The following SPECC1L variants were observed in gnomAD, a reference collection of about 807,000 sequenced individuals.
The protein encoded by SPECC1L is cytospin-A.
Under a neutral mutation model 116.8 loss-of-function variants are expected in SPECC1L, and 40 were observed. The ratio of observed to expected loss-of-function variants is 0.34; its 90% CI spans 0.27 to 0.45. The LOEUF (loss-of-function observed/expected upper bound fraction) is 0.45, where lower values mean the gene tolerates loss of function less well. Ranked by LOEUF, SPECC1L falls within the 20% of genes least tolerant of loss-of-function variation. The pLI, the probability that SPECC1L is intolerant of heterozygous loss-of-function variation, is 1.00. For synonymous variants in SPECC1L, 504 were observed against 500.6 expected (o/e 1.01, Z -0.09); for missense variants, 1,110 against 1,373.6 (o/e 0.81, Z 3.03).
chr22:24,310,188 T>G (rs1474568777), intron 3 of SPECC1L, among the ~76,000 whole-genome samples: 1 of 152,272 alleles, frequency 6.6e-6, no homozygotes, highest in East Asian at 1.9e-4. Flanking sequence ...TAGCAGTCTT[T>G]CTTATTTTTT....
chr22:24,385,245 A>T (rs1334451947), intron 14 of SPECC1L, among the ~76,000 whole-genome samples: 1 of 152,122 alleles, frequency 6.6e-6, no homozygotes, highest in Non-Finnish European at 1.5e-5. Context: ...AATGGAAAAT[A>T]AGGGGCTAAT....
intron 11 of SPECC1L, among the ~76,000 whole-genome samples, chr22:24,349,485 T>A (rs1008115715): frequency 1.3e-5 from 2 of 152,240 alleles, no homozygotes; most frequent in African/African-American, 4.8e-5. Context: ...GACTGTCAGA[T>A]TTGCATCTCT....
intron 14 of SPECC1L, among the ~76,000 whole-genome samples, chr22:24,380,268 G>A (rs1646897144): frequency 1.3e-5 from 2 of 152,198 alleles, no homozygotes; most frequent in Non-Finnish European, 2.9e-5. Context: ...TGCCTGTCTA[G>A]CTATAAATGG....
intron 3 of SPECC1L, among the ~76,000 whole-genome samples, chr22:24,305,640 A>G (rs1349204007): frequency 6.6e-6 from 1 of 152,048 alleles, no homozygotes; most frequent in Non-Finnish European, 1.5e-5. Flanking sequence ...GAACATTCTT[A>G]TATGTGTGTA....
chr22:24,358,793 A>G (rs1007118263), intron 11 of SPECC1L, among the ~76,000 whole-genome samples: 2 of 152,150 alleles, frequency 1.3e-5, no homozygotes, highest in South Asian at 2.1e-4. Context: ...TTTAAAATCT[A>G]TTTACCTATA....
In SPECC1L at chr22:24,334,416, G is replaced by A; in HGVS notation, c.2403G>A (p.Glu801=). The change falls in exon 9 of 17, where the codon GAG becomes GAA. Residue 801 remains glutamate, a synonymous_variant. Coordinates refer to ENST00000314328, the MANE Select transcript of SPECC1L (RefSeq NM_015330.6). ...ELEEIKSRKQ[E]EERGRVYNYM... is the part of the protein sequence containing the mutation. The stretch of plus-strand genomic sequence containing the variant: ...ATTTCAATATTATTTTCAGGCAAGA[G>A]GAGGAGCGAGGCCGGGTATACAATT... The A allele has an allele frequency of 6.2e-7, 1 of 1,614,116 alleles. No individual in the cohort carries two copies. The highest frequency in any genetic ancestry group is 8.5e-7 in the Non-Finnish European group (1 of 1,180,016).
chr22:24,302,850 A>T (rs1346508475), intron 3 of SPECC1L, among the ~76,000 whole-genome samples: 1 of 151,994 alleles, frequency 6.6e-6, no homozygotes, highest in African/African-American at 2.4e-5. Flanking sequence ...CAGTCCTGTG[A>T]CCCCTAGACA....
rs2041746656 is a variant in SPECC1L at position 24,365,610 on chromosome 22, C to G, written c.2962C>G (p.Pro988Ala). ...CTCTTCTCCAACGGCATCTGTGACT[C>G]CCACCACCCGAAGCCGAATAAGGTA... is the stretch of plus-strand genomic sequence containing the variant. ...LSSSPTASVT[P>A]TTRSRIREER... Residue 988 changes from proline (P) to alanine (A), a missense_variant, in exon 13 of 17, where the codon CCC becomes GCC. Physicochemically the swap from Pro to Ala is conservative, Grantham distance 27. Around this residue, in one of 4 missense-constraint regions of SPECC1L, gnomAD observed 575 missense variants for 682.4 expected, o/e 0.84. Transcript: ENST00000314328. 1 of 1,614,156 alleles carries G rather than the reference C, an allele frequency of 6.2e-7. No homozygotes were observed. Among genetic ancestry groups the G allele is most frequent in the South Asian group, 1.1e-5 (1 of 91,082 alleles).
At chr22:24,303,802 T>C (rs2049431740) in intron 3 of SPECC1L, among the ~76,000 whole-genome samples, 1 of 151,940 alleles carries the variant, frequency 6.6e-6, no homozygotes, top group South Asian at 2.1e-4. Flanking sequence ...ACATGCCAGC[T>C]GTCCATAGCT....
chr22:24,295,111 C>T (rs2049233691), intron 2 of SPECC1L, among the ~76,000 whole-genome samples: 1 of 150,902 alleles, frequency 6.6e-6, no homozygotes, highest in East Asian at 2.0e-4. Flanking sequence ...TTGGGCAGGG[C>T]TCCCAGAGCT....
intron 2 of SPECC1L, among the ~76,000 whole-genome samples, chr22:24,285,055 T>A (rs750175098): frequency 7.9e-5 from 12 of 152,124 alleles, no homozygotes; most frequent in Non-Finnish European, 1.5e-4. Context: ...ATCAAAGCTG[T>A]GGTGGTTAGG....
intron 2 of SPECC1L, among the ~76,000 whole-genome samples, chr22:24,301,081 C>G (rs1381526217): frequency 6.6e-6 from 1 of 152,122 alleles, no homozygotes; most frequent in Non-Finnish European, 1.5e-5. Flanking sequence ...ACAGAAACAC[C>G]AAAAGCAATT....
At position 24,321,459 on chromosome 22, in the gene SPECC1L, C is replaced by G. The variant is rs1456791108; in HGVS notation, c.479C>G (p.Thr160Arg). 1 of 1,614,252 alleles carries G rather than the reference C, an allele frequency of 6.2e-7. No individual in the cohort carries two copies. The highest frequency in any genetic ancestry group is 2.2e-5 in the East Asian group (1 of 44,892). The change falls in exon 5 of 17, where the codon ACA becomes AGA. Residue 160 changes from threonine (T) to arginine (R), a missense_variant. Physicochemically the swap from Thr to Arg is moderately conservative, Grantham distance 71. Transcript: ENST00000314328. Reference sequence around the variant, plus strand: ...AAACGTTCCCGCAGTCGAACTGCTACAGAATGTGACGTTCGTATGAGCAAG... The same window carrying G: ...AAACGTTCCCGCAGTCGAACTGCTAGAGAATGTGACGTTCGTATGAGCAAG... ...LAKRSRSRTA[T>R]ECDVRMSKSK...
At chr22:24,377,764 A>G (rs973373608) in intron 14 of SPECC1L, among the ~76,000 whole-genome samples, 20 of 152,338 alleles carry the variant, frequency 1.3e-4, no homozygotes, top group African/African-American at 4.8e-4. Context: ...ATGAGCAGTA[A>G]TATTTTGAAA....
intron 2 of SPECC1L, among the ~76,000 whole-genome samples, chr22:24,283,539 G>T (rs1490653767): frequency 6.6e-6 from 1 of 152,142 alleles, no homozygotes; most frequent in Non-Finnish European, 1.5e-5. Flanking sequence ...GGGTCTGTAG[G>T]TTTCTTTTTT....
At chr22:24,324,779 A>G (rs1391410473) in intron 6 of SPECC1L, among the ~76,000 whole-genome samples, 1 of 152,194 alleles carries the variant, frequency 6.6e-6, no homozygotes, top group Non-Finnish European at 1.5e-5. Context: ...TGAACCCAGG[A>G]GACGGAGGCT....
chr22:24,332,728 A>G (rs1000596801), intron 8 of SPECC1L, among the ~76,000 whole-genome samples: 60 of 152,116 alleles, frequency 3.9e-4, no homozygotes, highest in African/African-American at 1.4e-3. Flanking sequence ...GGTTTTGGAA[A>G]ACTTAGTTAT....
rs533906957 is a variant in SPECC1L at position 24,361,431 on chromosome 22, A to G, written c.2744-1830A>G. On this transcript the variant is annotated intron_variant, in intron 11 of 16. Coordinates refer to ENST00000314328, the MANE Select transcript of SPECC1L (RefSeq NM_015330.6). Reference sequence around the variant, plus strand: ...TAAAAAATAAAAAGAGGCTGGGTGAAATGGCTCACTCCTGTAATCCCAGCA... The same window carrying G: ...TAAAAAATAAAAAGAGGCTGGGTGAGATGGCTCACTCCTGTAATCCCAGCA... Among the ~76,000 whole-genome samples the G allele has an allele frequency of 5.9e-5, 9 of 152,048 alleles. No individual in the cohort carries two copies. The East Asian group carries it at 1.6e-3, about 26-fold the overall frequency.
chr22:24,302,124 C>T, intron 2 of SPECC1L, 71 bp from the exon 3 acceptor site: 1 of 1,214,802 alleles, frequency 8.2e-7, no homozygotes, highest in Non-Finnish European at 1.2e-6. Context: ...TGGTAAAATT[C>T]TTCGAAAACA....
Sources: allele counts gnomAD v4.1 joint callset (sites outside exome capture counted in the v4.1 genomes callset), GRCh38; gene constraint gnomAD v4.1.1; regional missense constraint gnomAD v4.1.1; transcripts MANE v1.5; gene names NCBI Gene and HGNC (gene_info 2026-07-23, HGNC 2026-07-21).